The following NTAN1 variants were observed in gnomAD, a reference collection of about 807,000 sequenced individuals.
NTAN1 encodes N-terminal asparagine amidase.
Under a neutral mutation model 41.9 loss-of-function variants are expected in NTAN1, and 32 were observed. The ratio of observed to expected loss-of-function variants is 0.76; its 90% CI spans 0.58 to 1.03. NTAN1 has a LOEUF of 1.03. Ranked by LOEUF, NTAN1 falls within the 50% of genes least tolerant of loss-of-function variation. The pLI, the probability that NTAN1 is intolerant of heterozygous loss-of-function variation, is 0.00. For synonymous variants in NTAN1, 140 were observed against 139.5 expected (o/e 1.00, Z -0.03); for missense variants, 377 against 377.5 (o/e 1.00, Z 0.01).
At chr16:15,043,905 G>C (rs1266144560) in intron 5 of NTAN1, among the ~76,000 whole-genome samples, 1 of 151,998 alleles carries the variant, frequency 6.6e-6, no homozygotes, top group Non-Finnish European at 1.5e-5. Flanking sequence ...CCGAGATCAT[G>C]CTACTGCACT....
Position 15,041,676 on chromosome 16 carries a change from C to G in NTAN1, c.434G>C (p.Ser145Thr). Residue 145 changes from serine to threonine, a missense_variant and splice_region_variant, in exon 6 of 10, where the codon AGT becomes ACT. Physicochemically the swap from Ser to Thr is moderately conservative, Grantham distance 58 (BLOSUM62 1). Coordinates refer to ENST00000287706, the MANE Select transcript of NTAN1 (RefSeq NM_173474.4). ...GTCATCTTCTTGCCTGTCAAATTCA[C>G]CTATGATGAGAATTTTAAGACCAGA... ...LSQKLTHQLL[S>T]EFDRQEDDIH... is the part of the protein sequence containing the mutation. The G allele has an allele frequency of 1.2e-6, 2 of 1,606,824 alleles. No homozygotes were observed.
chr16:15,038,625 T>C lies in NTAN1; in HGVS notation c.702A>G (p.Pro234=). 1.9e-6 allele frequency: 3 copies of C among 1,610,830 alleles called. No homozygotes were observed. ...QLRIGPYSWT[P]FPHVDFWLHQ... ...GCAACCAGAAATCCACATGTGGAAA[T>C]GGTGTCCAGGAGTACGGTCCTATAC... The change falls in exon 9 of 10, where the codon CCA becomes CCG. Residue 234 remains proline, a synonymous_variant. Transcript: ENST00000287706.
intron 7 of NTAN1, 51 bp from the exon 8 acceptor site, chr16:15,040,117 A>G: frequency 1.0e-6 from 1 of 964,294 alleles, no homozygotes; most frequent in Non-Finnish European, 1.7e-6. Flanking sequence ...CAAAGCGGAA[A>G]GTCTGCACAG....
intron 4 of NTAN1, among the ~76,000 whole-genome samples, chr16:15,046,413 G>T (rs1234191988): frequency 6.6e-6 from 1 of 152,186 alleles, no homozygotes; most frequent in African/African-American, 2.4e-5. Flanking sequence ...CAGTGGTCTT[G>T]ACAGCAGGCC....
intron 1 of NTAN1, among the ~76,000 whole-genome samples, chr16:15,050,385 G>C (rs944967991): frequency 6.6e-6 from 1 of 152,158 alleles, no homozygotes; most frequent in Admixed American, 6.5e-5. Flanking sequence ...TCTTCTATCA[G>C]CTTCTTGCCA....
At position 15,039,953 on chromosome 16, in the gene NTAN1, A is replaced by G. The variant is rs199518682; in HGVS notation, c.639+16T>C. 4 of 1,459,004 alleles carry G rather than the reference A, an allele frequency of 2.7e-6. No individual in the cohort carries two copies. Among genetic ancestry groups the G allele is most frequent in the Admixed American group, 3.7e-5 (2 of 53,438 alleles). The allele number at this position is 1,459,004 out of a possible 1,614,324, so 90.4% of individuals were successfully genotyped here. A position where few individuals can be genotyped will look rare whatever the true frequency, so the allele number is the denominator to read the frequency against. On this transcript the variant is annotated intron_variant, in intron 8 of 9. Coordinates refer to ENST00000287706, the MANE Select transcript of NTAN1 (RefSeq NM_173474.4). ...TTTTTTTTTTAACCCCTTAACAAAG[A>G]TGATTTGAAACTCACTGGTCCTCCT...
In NTAN1 at chr16:15,047,949, T is replaced by A. The variant is rs2044142507; in HGVS notation, c.185-29A>T. ...TTTAAAAAAGAAATAAAATAAAATA[T>A]CCAATAGCCTTTTGGGATAACGCCC... On this transcript the variant is annotated intron_variant, in intron 2 of 9. Coordinates refer to ENST00000287706, the MANE Select transcript of NTAN1 (RefSeq NM_173474.4). 4 of 1,605,770 alleles carry A rather than the reference T, an allele frequency of 2.5e-6. No homozygotes were observed. In the East Asian group the frequency reaches 8.9e-5, roughly 36 times the overall value.
At chr16:15,046,304 G>T (rs927263902) in intron 4 of NTAN1, among the ~76,000 whole-genome samples, 19 of 152,088 alleles carry the variant, frequency 1.2e-4, no homozygotes, top group African/African-American at 4.3e-4. Flanking sequence ...GTATATGATG[G>T]GAGTAGTTCA....
At chr16:15,041,910 C>G (rs1255009044) in intron 5 of NTAN1, among the ~76,000 whole-genome samples, 1 of 152,180 alleles carries the variant, frequency 6.6e-6, no homozygotes, top group Non-Finnish European at 1.5e-5. Flanking sequence ...CCGAAGGAGC[C>G]TGGGCTGAGC....
rs78636705 is a variant in NTAN1, at chr16:15,044,369, C to A, written c.398G>T (p.Arg133Met). 6.2e-7 allele frequency: 1 copy of A among 1,613,512 alleles called. No individual in the cohort carries two copies. Among genetic ancestry groups the A allele is most frequent in the Non-Finnish European group, 8.5e-7 (1 of 1,179,592 alleles). Residue 133 changes from arginine (R) to methionine (M), a missense_variant, in exon 5 of 10, where the codon AGG becomes ATG. Coordinates refer to ENST00000287706, the MANE Select transcript of NTAN1 (RefSeq NM_173474.4). ...ATGAGTGAGTTTTTGTGACAACTGC[C>A]TGTCGTCACTGAAGCCTCCAACAAG... ...VHLVGGFSDD[R>M]QLSQKLTHQL... is the part of the protein sequence containing the mutation.
intron 4 of NTAN1, chr16:15,045,818 G>A (rs886410194): frequency 3.9e-5 from 6 of 152,262 alleles, no homozygotes; most frequent in Non-Finnish European, 8.8e-5. Context: ...TCGGCAAAGT[G>A]TTGCCAGACT....
chr16:15,044,570 C>T, intron 4 of NTAN1, 163 bp from the exon 5 acceptor site: 2 of 619,388 alleles, frequency 3.2e-6, no homozygotes, highest in Non-Finnish European at 5.8e-6. Context: ...AGCACACTGC[C>T]AAGGCCAGTG....
intron 5 of NTAN1, among the ~76,000 whole-genome samples, chr16:15,042,520 T>C (rs908583615): frequency 6.6e-6 from 1 of 152,108 alleles, no homozygotes; most frequent in African/African-American, 2.4e-5. Context: ...TGCTTGTGCA[T>C]AGGTATTTTC....
At position 15,055,889 on chromosome 16, in the gene NTAN1, AC is replaced by A; in HGVS notation, c.81+1del. On this transcript the variant is annotated splice_donor_variant, in intron 1 of 9. Coordinates refer to ENST00000287706, the MANE Select transcript of NTAN1 (RefSeq NM_173474.4). LOFTEE classifies it high-confidence loss of function. Reference sequence around the variant, plus strand: ...CGAAGCCCCGCGCCGCGCCCCACTCACCTCCAAAGGCGGGTGGGCTCGGACG... The same window carrying A: ...CGAAGCCCCGCGCCGCGCCCCACTCACTCCAAAGGCGGGTGGGCTCGGACG... The A allele has an allele frequency of 8.2e-7, 1 of 1,224,032 alleles. No homozygotes were observed. Among genetic ancestry groups the A allele is most frequent in the Non-Finnish European group, 1.0e-6 (1 of 981,242 alleles). 75.8% of individuals were successfully genotyped at this position (1,224,032 alleles called of 1,614,324 possible).
Position 15,039,997 on chromosome 16 carries a change from C to G in NTAN1, c.611G>C (p.Arg204Pro), listed in dbSNP as rs772493910. The G allele has an allele frequency of 6.2e-7, 1 of 1,609,516 alleles. No homozygotes were observed. Among genetic ancestry groups the G allele is most frequent in the Non-Finnish European group, 8.5e-7 (1 of 1,176,264 alleles). ...TCCTCCTGCTAAAGTTCGCGCAGCA[C>G]GAAGCTGCTCCTCCGGACCCCGATC... ...FQDRGPEEQLRAARTLAGGPM... is the reference protein window; with the variant it reads ...FQDRGPEEQLPAARTLAGGPM... The change falls in exon 8 of 10, where the codon CGT becomes CCT. Residue 204 changes from arginine (R) to proline (P), a missense_variant. Coordinates refer to ENST00000287706, the MANE Select transcript of NTAN1 (RefSeq NM_173474.4).
chr16:15,045,730 A>C (rs2044032750), intron 4 of NTAN1: 1 of 152,142 alleles, frequency 6.6e-6, no homozygotes, highest in South Asian at 2.1e-4. Flanking sequence ...AATCCAACTA[A>C]CTTTCTTGAA....
chr16:15,039,649 G>A (rs967927173), intron 8 of NTAN1, among the ~76,000 whole-genome samples: 21 of 152,186 alleles, frequency 1.4e-4, no homozygotes, highest in African/African-American at 4.6e-4. Flanking sequence ...CTGCGTCCCA[G>A]TTCTCCTCTC....
At position 15,037,887 on chromosome 16, in the gene NTAN1, C is replaced by A. The variant is rs2043586581; in HGVS notation, c.*144G>T. 1.8e-6 allele frequency: 1 copy of A among 563,820 alleles called. No homozygotes were observed. The highest frequency in any genetic ancestry group is 3.1e-6 in the Non-Finnish European group (1 of 318,138). 34.9% of individuals were successfully genotyped at this position (563,820 alleles called of 1,614,324 possible). On this transcript the variant is annotated 3_prime_UTR_variant, in exon 10 of 10. Transcript: ENST00000287706. ...CAAAATAAGGTTTTATTTTGAAAGT[C>A]ATTTGATGAAAGTCATTTGAAAGAC...
rs752707228 is a variant in NTAN1 at position 15,055,794 on chromosome 16, G to A, written c.81+97C>T. On this transcript the variant is annotated intron_variant, in intron 1 of 9. Transcript: ENST00000287706. ...CCGGGGCTCCGGATGTGCCAACAGC[G>A]CCAAGTTTCAAGTCTGTGTCGCGTG... 597 of 635,708 alleles carry A rather than the reference G, an allele frequency of 9.4e-4. 2 individuals are homozygous for A. The highest frequency in any genetic ancestry group is 1.3e-3 in the Middle Eastern group (4 of 3,042). 39.4% of individuals were successfully genotyped at this position (635,708 alleles called of 1,614,324 possible).
Sources: allele counts gnomAD v4.1 joint callset (sites outside exome capture counted in the v4.1 genomes callset), GRCh38; gene constraint gnomAD v4.1.1; transcripts MANE v1.5; gene names NCBI Gene and HGNC (gene_info 2026-07-23, HGNC 2026-07-21).